Variants in LRRC36 observed in about 807,000 individuals in gnomAD.
LRRC36 encodes the protein leucine rich repeat containing 36, also known as leucine-rich repeat-containing protein 36.
A neutral mutation model predicts 81.1 loss-of-function variants in LRRC36; 62 were observed. That is an observed-to-expected ratio of 0.76 (90% CI 0.62 to 0.94). LRRC36 has a LOEUF of 0.94. Ranked by LOEUF, LRRC36 falls within the 40% of genes least tolerant of loss-of-function variation. The pLI is 0.00. For missense variants in LRRC36, 761 were observed against 881.7 expected, an observed-to-expected ratio of 0.86 and a Z score of 1.73; for synonymous variants, 334 against 348.6, an observed-to-expected ratio of 0.96 and a Z score of 0.47.
chr16:67,366,209 G>C (rs773109130), intron 7 of LRRC36, among the ~76,000 whole-genome samples: 1 of 151,790 alleles, frequency 6.6e-6, no homozygotes, highest in African/African-American at 2.4e-5. Flanking sequence ...CTGGAGTACA[G>C]TACAGTGGCA....
chr16:67,352,850 G>A (rs1045619291), intron 5 of LRRC36, among the ~76,000 whole-genome samples: 2 of 151,408 alleles, frequency 1.3e-5, no homozygotes, highest in African/African-American at 4.9e-5. Context: ...GCTAAGTTTT[G>A]TATTTTTTTG....
chr16:67,347,507 T>TA lies in LRRC36; in HGVS notation c.405dup (p.Arg136ThrfsTer2), dbSNP rs2038407503. The TA allele has an allele frequency of 6.2e-7, 1 of 1,613,290 alleles. No individual in the cohort carries two copies. Among genetic ancestry groups the TA allele is most frequent in the East Asian group, 2.2e-5 (1 of 44,876 alleles). ...TTTTTGCCTCCAGATGACCGAACTGTACGTGAAGGTGAGAGAAAAGCTGCC... is the reference window on the plus strand; with the variant it reads ...TTTTTGCCTCCAGATGACCGAACTGTAACGTGAAGGTGAGAGAAAAGCTGCC... On this transcript the variant is annotated frameshift_variant, in exon 4 of 14. Transcript: ENST00000329956. LOFTEE classifies it high-confidence loss of function.
chr16:67,367,513 A>T lies in LRRC36; in HGVS notation c.1195+56A>T. ...CTTCATAGGCATGAAGATAGAAGATATAAGTGAAAATTTTGGAATTAACCC... is the reference window on the plus strand; with the variant it reads ...CTTCATAGGCATGAAGATAGAAGATTTAAGTGAAAATTTTGGAATTAACCC... On this transcript the variant is annotated intron_variant, in intron 8 of 13. Transcript: ENST00000329956. 2.0e-6 allele frequency: 3 copies of T among 1,482,054 alleles called. No individual in the cohort carries two copies. The Admixed American group carries it at 6.7e-5, about 33-fold the overall frequency. The allele number at this position is 1,482,054 out of a possible 1,614,324, so 91.8% of individuals were successfully genotyped here.
At chr16:67,373,728 AAAAG>A (rs1391155903) in intron 9 of LRRC36, among the ~76,000 whole-genome samples, 18 of 149,352 alleles carry the variant, frequency 1.2e-4, no homozygotes, top group African/African-American at 4.2e-4. Flanking sequence ...AAAAAAAAAA[AAAAG>A]CCAGGCACGG....
At chr16:67,353,899 C>G (rs568372202) in intron 5 of LRRC36, among the ~76,000 whole-genome samples, 1 of 151,808 alleles carries the variant, frequency 6.6e-6, no homozygotes, top group Non-Finnish European at 1.5e-5. Context: ...CAGTCTCTTA[C>G]TCCTTCAATT....
At chr16:67,331,587 T>G (rs2037493543) in intron 1 of LRRC36, among the ~76,000 whole-genome samples, 1 of 152,198 alleles carries the variant, frequency 6.6e-6, no homozygotes, top group African/African-American at 2.4e-5. Flanking sequence ...AGCAATATAT[T>G]TCAATGTAAG....
At position 67,375,346 on chromosome 16, in the gene LRRC36, C is replaced by T. The variant is rs749805396; in HGVS notation, c.1594C>T (p.Leu532Phe). The T allele has an allele frequency of 6.8e-6, 11 of 1,611,372 alleles. No individual in the cohort carries two copies. The highest frequency in any genetic ancestry group is 6.6e-5 in the South Asian group (6 of 90,688). Residue 532 changes from leucine to phenylalanine, a missense_variant, in exon 10 of 14, where the codon CTC (leucine) becomes TTC (phenylalanine). Physicochemically the swap from Leu to Phe is conservative, Grantham distance 22. Coordinates refer to ENST00000329956, the MANE Select transcript of LRRC36 (RefSeq NM_018296.6). ...CCATGTGGCCACTGTCCTCAGACAG[C>T]TCCTGGAGCTTGTGGATAAGCACTG... is the stretch of plus-strand genomic sequence containing the variant. Reference protein sequence around the residue: ...TPHVATVLRQLLELVDKHWNG... With the variant: ...TPHVATVLRQFLELVDKHWNG...
intron 1 of LRRC36, among the ~76,000 whole-genome samples, chr16:67,334,092 G>T (rs751665933): frequency 6.7e-6 from 1 of 149,448 alleles, no homozygotes; most frequent in East Asian, 2.0e-4. Flanking sequence ...GTGCAGTGGC[G>T]TGGATCTCGG....
chr16:67,336,107 A>T (rs908447225), intron 1 of LRRC36, among the ~76,000 whole-genome samples: 1 of 152,172 alleles, frequency 6.6e-6, no homozygotes. Flanking sequence ...AACCTTTCAA[A>T]CTGATTTCTC....
intron 1 of LRRC36, among the ~76,000 whole-genome samples, chr16:67,330,273 G>A (rs926799592): frequency 6.6e-6 from 1 of 151,898 alleles, no homozygotes; most frequent in Non-Finnish European, 1.5e-5. Context: ...CGTGATATCA[G>A]CCACTGAATA....
chr16:67,376,669 G>C, intron 10 of LRRC36, 58 bp from the exon 11 acceptor site: 1 of 1,556,914 alleles, frequency 6.4e-7, no homozygotes, highest in East Asian at 2.3e-5. Context: ...TACTGACTAG[G>C]AATGCTGTGC....
intron 2 of LRRC36, among the ~76,000 whole-genome samples, chr16:67,344,256 AAG>A (rs1040590612): frequency 3.9e-5 from 6 of 152,190 alleles, no homozygotes; most frequent in African/African-American, 1.4e-4. Context: ...GTGAGAGGAT[AAG>A]AGTTTCCTTA....
At chr16:67,370,630 CAA>C (rs576313559) in intron 8 of LRRC36, among the ~76,000 whole-genome samples, 11,450 of 82,292 alleles carry the variant, frequency 0.14, 661 homozygotes, top group African/African-American at 0.23. Context: ...GAGACTCTCT[CAA>C]AAAAAAAAAA....
At chr16:67,354,057 C>T (rs1388831589) in intron 5 of LRRC36, among the ~76,000 whole-genome samples, 1 of 152,174 alleles carries the variant, frequency 6.6e-6, no homozygotes, top group East Asian at 1.9e-4. Context: ...CTCCCCTAAG[C>T]TCTATCTGTA....
intron 2 of LRRC36, among the ~76,000 whole-genome samples, chr16:67,342,914 T>A (rs1461239685): frequency 1.3e-5 from 2 of 152,232 alleles, no homozygotes; most frequent in East Asian, 3.9e-4. Context: ...CCAGACCCAA[T>A]CCCAAGGTTT....
At chr16:67,354,439 G>C (rs377099278) in intron 5 of LRRC36, among the ~76,000 whole-genome samples, 1 of 151,936 alleles carries the variant, frequency 6.6e-6, no homozygotes, top group African/African-American at 2.4e-5. Context: ...CACCACGCCT[G>C]GTTAATATTT....
intron 4 of LRRC36, among the ~76,000 whole-genome samples, chr16:67,349,765 C>CT (rs961463302): frequency 7.9e-4 from 116 of 146,262 alleles, no homozygotes; most frequent in Admixed American, 1.2e-3. Context: ...ATTTGTGCAA[C>CT]TTTTTTTTTT....
intron 8 of LRRC36, among the ~76,000 whole-genome samples, chr16:67,369,928 C>T (rs931021277): frequency 6.6e-6 from 1 of 152,026 alleles, no homozygotes; most frequent in African/African-American, 2.4e-5. Flanking sequence ...CCATATCAAC[C>T]CCTTCAAGGA....
At chr16:67,377,164 G>T (rs182505977) in intron 11 of LRRC36, among the ~76,000 whole-genome samples, 4 of 152,206 alleles carry the variant, frequency 2.6e-5, no homozygotes, top group African/African-American at 7.2e-5. Context: ...GTTCTTGAAG[G>T]TTATGGTTTC....
Sources: allele counts gnomAD v4.1 joint callset (sites outside exome capture counted in the v4.1 genomes callset), GRCh38; gene constraint gnomAD v4.1.1; transcripts MANE v1.5; gene names NCBI Gene and HGNC (gene_info 2026-07-23, HGNC 2026-07-21).